The following JDP2 variants were observed in gnomAD, a reference collection of about 807,000 sequenced individuals.
JDP2 encodes the protein progesterone receptor co-activator.
A neutral mutation model predicts 17.1 loss-of-function variants in JDP2; 9 were observed. The ratio of observed to expected loss-of-function variants is 0.53; its 90% CI spans 0.32 to 0.92. The LOEUF (loss-of-function observed/expected upper bound fraction) is 0.92. Ranked by LOEUF, JDP2 falls within the 40% of genes least tolerant of loss-of-function variation. JDP2 has a pLI of 0.04. For synonymous variants in JDP2, 107 were observed against 95.6 expected (o/e 1.12, Z -0.69); for missense variants, 179 against 220.0 (o/e 0.81, Z 1.18).
chr14:75,434,893 A>G (rs146274818), intron 1 of JDP2, among the ~76,000 whole-genome samples: 1 of 152,296 alleles, frequency 6.6e-6, no homozygotes, highest in East Asian at 1.9e-4. Context: ...TCTGCTGTGA[A>G]TTTGCTGTCA....
chr14:75,451,571 C>T (rs1442216863), intron 2 of JDP2, among the ~76,000 whole-genome samples: 2 of 152,058 alleles, frequency 1.3e-5, no homozygotes, highest in South Asian at 2.1e-4. Flanking sequence ...ACAGGCCGTG[C>T]GTATCGAGTG....
rs1225791882 is a variant in JDP2, at chr14:75,472,651, G to T, written c.*3176G>T. ...TTATGGAGTTATCAAGATCAAAAAA[G>T]GAATGGATATACAAAGTGTTTTGTG... On this transcript the variant is annotated 3_prime_UTR_variant, in exon 4 of 4. Coordinates refer to ENST00000651602, the MANE Select transcript of JDP2 (RefSeq NM_001135048.2). 3 of 152,212 alleles carry T rather than the reference G, an allele frequency of 2.0e-5. No homozygotes were observed. The highest frequency in any genetic ancestry group is 7.2e-5 in the African/African-American group (3 of 41,432). 9.4% of individuals were successfully genotyped at this position (152,212 alleles called of 1,614,324 possible). A position where few individuals can be genotyped will look rare whatever the true frequency, so the allele number is the denominator to read the frequency against.
chr14:75,444,188 G>C (rs1168908586), intron 2 of JDP2, among the ~76,000 whole-genome samples: 1 of 152,188 alleles, frequency 6.6e-6, no homozygotes. Flanking sequence ...ACAGGCGTGA[G>C]CCACCAACCC....
At chr14:75,449,760 C>T (rs1008113284) in intron 2 of JDP2, among the ~76,000 whole-genome samples, 17 of 152,234 alleles carry the variant, frequency 1.1e-4, no homozygotes, top group Non-Finnish European at 1.9e-4. Flanking sequence ...CAATCATCAT[C>T]TCTTTTTCTC....
At position 75,430,214 on chromosome 14, in the gene JDP2, G is replaced by T. The variant is rs180849485; in HGVS notation, c.-24+1962G>T. ...ATAGGCTCTCTGGGCCTTGTTTGTC[G>T]TGGGGCTACTGGTGTTGCAATGGGC... On this transcript the variant is annotated intron_variant, in intron 1 of 3. Transcript: ENST00000651602. This position sits in a 1 kb window ranked among gnomAD's most constrained non-coding sequence, Gnocchi z 4.5. Among the ~76,000 whole-genome samples the T allele has an allele frequency of 1.2e-3, 189 of 152,206 alleles. 1 individual carries two copies. The highest frequency in any genetic ancestry group is 4.3e-3 in the African/African-American group (180 of 41,518).
chr14:75,462,969 C>G (rs1042900655), intron 3 of JDP2, among the ~76,000 whole-genome samples: 6 of 152,194 alleles, frequency 3.9e-5, no homozygotes, highest in African/African-American at 1.4e-4. Flanking sequence ...AAGACACGAG[C>G]CTTCAAGATG....
intron 2 of JDP2, among the ~76,000 whole-genome samples, chr14:75,440,962 C>T (rs1885317394): frequency 6.6e-6 from 1 of 152,224 alleles, no homozygotes. Context: ...GCCGTGTGGC[C>T]TCCCATGCCT....
rs961773601 is a variant in JDP2, at chr14:75,470,702, C to G, written c.*1227C>G. The G allele has an allele frequency of 2.0e-5, 3 of 152,232 alleles. No homozygotes were observed. Among genetic ancestry groups the G allele is most frequent in the Non-Finnish European group, 4.4e-5 (3 of 68,038 alleles). The allele number at this position is 152,232 out of a possible 1,614,324, so 9.4% of individuals were successfully genotyped here. A position where few individuals can be genotyped will look rare whatever the true frequency, so the allele number is the denominator to read the frequency against. On this transcript the variant is annotated 3_prime_UTR_variant, in exon 4 of 4. Transcript: ENST00000651602. ...GTGTGTGCCAGGCCCTGAGAATTCA[C>G]TGGAGGATGAAACAGACCTAAGTCT...
intron 2 of JDP2, 115 bp downstream of exon 2, chr14:75,438,236 G>A: frequency 1.3e-6 from 1 of 762,380 alleles, no homozygotes; most frequent in East Asian, 2.7e-5. Context: ...GTACCACCCT[G>A]GGGTTATCAG....
chr14:75,434,003 T>C lies in JDP2; in HGVS notation c.-23-3895T>C, dbSNP rs1223304629. ...TGAAGCTTTTAGTGCGTAGTTCTTC[T>C]TTTCCTACTAAATTGTTTCCGTATG... On this transcript the variant is annotated intron_variant, in intron 1 of 3. Coordinates refer to ENST00000651602, the MANE Select transcript of JDP2 (RefSeq NM_001135048.2). Among the ~76,000 whole-genome samples, 3 of 152,210 alleles carry C rather than the reference T, an allele frequency of 2.0e-5. No individual in the cohort carries two copies. The East Asian group carries it at 5.8e-4, about 29-fold the overall frequency.
At chr14:75,431,530 G>A (rs1345521507) in intron 1 of JDP2, among the ~76,000 whole-genome samples, 1 of 152,232 alleles carries the variant, frequency 6.6e-6, no homozygotes, top group Non-Finnish European at 1.5e-5. Flanking sequence ...AGTTCTTGAT[G>A]GCACCTTGTT....
At chr14:75,443,788 A>G (rs1472868474) in intron 2 of JDP2, among the ~76,000 whole-genome samples, 1 of 152,162 alleles carries the variant, frequency 6.6e-6, no homozygotes, top group African/African-American at 2.4e-5. Flanking sequence ...CTGGATCTCT[A>G]TGTCCTTAGC....
Position 75,471,824 on chromosome 14 carries a change from T to A in JDP2, c.*2349T>A. ...GATGCAGGTGAGGCAGTGTCAGTTC[T>A]GCATCAGGAACCCCTCGCGCTGTAA... On this transcript the variant is annotated 3_prime_UTR_variant, in exon 4 of 4. Coordinates refer to ENST00000651602, the MANE Select transcript of JDP2 (RefSeq NM_001135048.2). 2.6e-5 allele frequency: 4 copies of A among 155,190 alleles called. No individual in the cohort carries two copies. Among genetic ancestry groups the A allele is most frequent in the Non-Finnish European group, 5.8e-5 (4 of 69,106 alleles). The allele number at this position is 155,190 out of a possible 1,614,324, so 9.6% of individuals were successfully genotyped here. A position where few individuals can be genotyped will look rare whatever the true frequency, so the allele number is the denominator to read the frequency against.
intron 1 of JDP2, chr14:75,432,199 C>A: frequency 1.1e-6 from 1 of 883,744 alleles, no homozygotes; most frequent in Non-Finnish European, 1.8e-6. Context: ...CATCTTGCTT[C>A]TCGCCTTCTG....
chr14:75,432,131 C>T, intron 1 of JDP2: 1 of 605,828 alleles, frequency 1.7e-6, no homozygotes, highest in East Asian at 2.8e-5. Context: ...TGGGGACAGC[C>T]ATCTGAAGAG....
rs1566752509 is a variant in JDP2 at position 75,470,646 on chromosome 14, T to C, written c.*1171T>C. The C allele has an allele frequency of 6.6e-6, 1 of 152,214 alleles. No individual in the cohort carries two copies. 9.4% of individuals were successfully genotyped at this position (152,214 alleles called of 1,614,324 possible). ...TTTTGAGAGCAGTCAGAGTGTTCGC[T>C]CACTCTGCAGATGTTTTCTGAGGGC... On this transcript the variant is annotated 3_prime_UTR_variant, in exon 4 of 4. Coordinates refer to ENST00000651602, the MANE Select transcript of JDP2 (RefSeq NM_001135048.2).
chr14:75,431,378 G>A (rs1439045184), intron 1 of JDP2, among the ~76,000 whole-genome samples: 2 of 152,250 alleles, frequency 1.3e-5, no homozygotes, highest in Non-Finnish European at 2.9e-5. Context: ...TGGGATGGCT[G>A]TGCAGGGATC....
intron 2 of JDP2, among the ~76,000 whole-genome samples, chr14:75,446,729 A>T (rs1030862843): frequency 6.6e-6 from 1 of 152,178 alleles, no homozygotes; most frequent in Non-Finnish European, 1.5e-5. Context: ...GTGTTCTAAA[A>T]TTGTAGTGAT....
chr14:75,438,141 C>A lies in JDP2; in HGVS notation c.201+20C>A. 5.1e-6 allele frequency: 8 copies of A among 1,570,596 alleles called. No individual in the cohort carries two copies. The highest frequency in any genetic ancestry group is 6.9e-6 in the Non-Finnish European group (8 of 1,152,872). On this transcript the variant is annotated intron_variant, in intron 2 of 3. Coordinates refer to ENST00000651602, the MANE Select transcript of JDP2 (RefSeq NM_001135048.2). ...AGTGAGGTGAGCGAGCCTTTTACCC[C>A]TGGCAGATTCCAGGTCTGGCCTTAA...
Sources: allele counts gnomAD v4.1 joint callset (sites outside exome capture counted in the v4.1 genomes callset), GRCh38; gene constraint gnomAD v4.1.1; non-coding constraint Gnocchi (gnomAD v3.1); transcripts MANE v1.5; gene names NCBI Gene and HGNC (gene_info 2026-07-23, HGNC 2026-07-21).